Variants in RPS6KB2 observed in about 807,000 individuals in gnomAD.
The protein encoded by RPS6KB2 is ribosomal protein S6 kinase B2, also known as ribosomal protein S6 kinase beta-2.
In RPS6KB2, 51 loss-of-function variants were observed where a neutral mutation model predicts 58.2. That is an observed-to-expected ratio of 0.88 (90% CI 0.70 to 1.11). The LOEUF is 1.11. Ranked by LOEUF, RPS6KB2 falls within the 50% of genes least tolerant of loss-of-function variation. The pLI is 0.00. For missense variants in RPS6KB2, 671 were observed against 655.8 expected, an observed-to-expected ratio of 1.02 and a Z score of -0.25; for synonymous variants, 293 against 258.6, an observed-to-expected ratio of 1.13 and a Z score of -1.28.
intron 5 of RPS6KB2, chr11:67,432,293 T>C (rs1323132435): frequency 3.3e-6 from 2 of 615,292 alleles, no homozygotes; most frequent in Non-Finnish European, 6.1e-6. Flanking sequence ...GGCTAAGCTC[T>C]TGGAGCTGTG....
At position 67,434,195 on chromosome 11, in the gene RPS6KB2, C is replaced by T; in HGVS notation, c.970-3C>T. ...GTGGGTTTGGTGCATTCTCTACCTA[C>T]AGAGACATCCCTTTTTCCGGCACAT... On this transcript the variant is annotated splice_polypyrimidine_tract_variant and splice_region_variant and intron_variant, in intron 11 of 14. Coordinates refer to ENST00000312629, the MANE Select transcript of RPS6KB2 (RefSeq NM_003952.3). 6.2e-7 allele frequency: 1 copy of T among 1,614,086 alleles called. No homozygotes were observed. Among genetic ancestry groups the T allele is most frequent in the South Asian group, 1.1e-5 (1 of 91,090 alleles).
At chr11:67,428,936 G>C in intron 1 of RPS6KB2, 46 bp from the exon 2 acceptor site, 1 of 1,612,430 alleles carries the variant, frequency 6.2e-7, no homozygotes, top group Non-Finnish European at 8.5e-7. Context: ...GGAGCGGGGA[G>C]GTATCCTGGC....
intron 10 of RPS6KB2, among the ~76,000 whole-genome samples, chr11:67,433,730 G>T (rs1864132994): frequency 6.6e-6 from 1 of 152,220 alleles, no homozygotes; most frequent in Non-Finnish European, 1.5e-5. Context: ...GGTGTTAGGG[G>T]GAGGCCGGAC....
intron 1 of RPS6KB2, 177 bp downstream of exon 1, chr11:67,428,800 G>C (rs541890160): frequency 1.1e-6 from 1 of 926,930 alleles, no homozygotes; most frequent in East Asian, 2.6e-5. Flanking sequence ...CTCTCTTCCA[G>C]AACCCCAGCC....
At chr11:67,431,272 C>T (rs147539443) in intron 4 of RPS6KB2, 96 bp from the exon 5 acceptor site, 21 of 1,224,418 alleles carry the variant, frequency 1.7e-5, no homozygotes, top group African/African-American at 1.5e-4. Context: ...TCAGGTAATC[C>T]GCCTGCCTTG....
Position 67,431,402 on chromosome 11 carries a change from A to G in RPS6KB2, c.344A>G (p.His115Arg), listed in dbSNP as rs776907309. The G allele has an allele frequency of 1.7e-5, 27 of 1,614,022 alleles. No individual in the cohort carries two copies. Among genetic ancestry groups the G allele is most frequent in the African/African-American group, 8.0e-5 (6 of 74,920 alleles). Residue 115 changes from histidine (H) to arginine (R), a missense_variant, in exon 5 of 15, where the codon CAC becomes CGC. By Grantham distance (29) the His-to-Arg change is conservative. Coordinates refer to ENST00000312629, the MANE Select transcript of RPS6KB2 (RefSeq NM_003952.3). ...KIVRNAKDTA[H>R]TRAERNILES... ...GTGCGCAATGCCAAGGACACAGCAC[A>G]CACACGGGCTGAGCGGAACATTCTA...
intron 10 of RPS6KB2, 60 bp from the exon 11 acceptor site, chr11:67,433,935 G>T: frequency 6.3e-7 from 1 of 1,594,090 alleles, no homozygotes; most frequent in South Asian, 1.1e-5. Context: ...CTAGCCCTGG[G>T]ACCCGGGGAC....
At position 67,433,342 on chromosome 11, in the gene RPS6KB2, G is replaced by A. The variant is rs1229374921; in HGVS notation, c.801G>A (p.Pro267=). Residue 267 remains proline (P), a splice_region_variant and synonymous_variant, in exon 10 of 15, where the codon CCG becomes CCA. Coordinates refer to ENST00000312629, the MANE Select transcript of RPS6KB2 (RefSeq NM_003952.3). ...ALMYDMLTGS[P]PFTAENRKKT... ...CTCTCACCTTCCTCCTCCTCCAGCCGCCCTTCACCGCAGAGAACCGGAAGA... is the reference window on the plus strand; with the variant it reads ...CTCTCACCTTCCTCCTCCTCCAGCCACCCTTCACCGCAGAGAACCGGAAGA... The A allele has an allele frequency of 8.7e-6, 14 of 1,613,456 alleles. No homozygotes were observed. The highest frequency in any genetic ancestry group is 1.2e-5 in the Non-Finnish European group (14 of 1,179,624).
At chr11:67,428,961 T>C (rs762671473) in intron 1 of RPS6KB2, 21 bp from the exon 2 acceptor site, 8 of 1,614,096 alleles carry the variant, frequency 5.0e-6, no homozygotes, top group Non-Finnish European at 5.9e-6. Flanking sequence ...TCCTTGGCTC[T>C]TACCCCTCGG....
intron 5 of RPS6KB2, chr11:67,432,272 G>A (rs1035975568): frequency 4.7e-5 from 27 of 580,598 alleles, no homozygotes; most frequent in African/African-American, 2.6e-4. Flanking sequence ...TCTTCTCTGC[G>A]AGATCTTTTG....
intron 14 of RPS6KB2, 85 bp downstream of exon 14, chr11:67,434,779 G>A (rs1005127064): frequency 1.0e-5 from 12 of 1,167,262 alleles, no homozygotes; most frequent in African/African-American, 4.6e-5. Flanking sequence ...CCTTGGCCAC[G>A]TCTGTCGGCC....
chr11:67,431,953 C>G, intron 5 of RPS6KB2: 1 of 269,686 alleles, frequency 3.7e-6, no homozygotes, highest in Non-Finnish European at 7.3e-6. Context: ...GGGCTGAGGC[C>G]TCCCGCTCAC....
intron 12 of RPS6KB2, 22 bp from the exon 13 acceptor site, chr11:67,434,354 TC>T: frequency 6.2e-7 from 1 of 1,611,274 alleles, no homozygotes. Flanking sequence ...CTCTGACCCC[TC>T]CCCACTCTGG....
rs1448540358 is a variant in RPS6KB2, at chr11:67,432,942, C to T, written c.617-10C>T. The T allele has an allele frequency of 1.9e-6, 3 of 1,613,150 alleles. No homozygotes were observed. Among genetic ancestry groups the T allele is most frequent in the South Asian group, 2.2e-5 (2 of 91,090 alleles). On this transcript the variant is annotated splice_polypyrimidine_tract_variant and intron_variant, in intron 7 of 14. Coordinates refer to ENST00000312629, the MANE Select transcript of RPS6KB2 (RefSeq NM_003952.3). ...GGCCCTGGTCACGCCTCTCCAACAC[C>T]CTTCCTCAGGCCACATCAAACTGAC... is the stretch of plus-strand genomic sequence containing the variant.
chr11:67,430,813 A>G (rs1863996122), intron 4 of RPS6KB2: 1 of 152,512 alleles, frequency 6.6e-6, no homozygotes, highest in Non-Finnish European at 1.5e-5. Flanking sequence ...GCTGCTGAAC[A>G]TCCCACGATG....
In RPS6KB2 at chr11:67,435,216, C is replaced by T; in HGVS notation, c.*47C>T. ...TAGCCCTTGAGCCCTGTCCCTGCGG[C>T]TGTGAGAGCAGCAGGACCCTGGGCC... On this transcript the variant is annotated 3_prime_UTR_variant, in exon 15 of 15. Coordinates refer to ENST00000312629, the MANE Select transcript of RPS6KB2 (RefSeq NM_003952.3). The T allele has an allele frequency of 6.8e-7, 1 of 1,463,218 alleles. No individual in the cohort carries two copies. Among genetic ancestry groups the T allele is most frequent in the Non-Finnish European group, 9.1e-7 (1 of 1,101,330 alleles). 90.6% of individuals were successfully genotyped at this position (1,463,218 alleles called of 1,614,324 possible). A position where few individuals can be genotyped will look rare whatever the true frequency, so the allele number is the denominator to read the frequency against.
In RPS6KB2 at chr11:67,435,225, C is replaced by G. The variant is rs1683391938; in HGVS notation, c.*56C>G. ...AGCCCTGTCCCTGCGGCTGTGAGAG[C>G]AGCAGGACCCTGGGCCAGTTCCAGA... On this transcript the variant is annotated 3_prime_UTR_variant, in exon 15 of 15. Coordinates refer to ENST00000312629, the MANE Select transcript of RPS6KB2 (RefSeq NM_003952.3). 1.4e-6 allele frequency: 2 copies of G among 1,427,606 alleles called. No individual in the cohort carries two copies. The highest frequency in any genetic ancestry group is 1.4e-5 in the South Asian group (1 of 73,780). 88.4% of individuals were successfully genotyped at this position (1,427,606 alleles called of 1,614,324 possible).
Position 67,435,082 on chromosome 11 carries a change from G to C in RPS6KB2, c.1362G>C (p.Pro454=). 6.2e-7 allele frequency: 1 copy of C among 1,610,558 alleles called. No homozygotes were observed. The highest frequency in any genetic ancestry group is 1.1e-5 in the South Asian group (1 of 91,040). Residue 454 remains proline, a synonymous_variant, in exon 15 of 15, where the codon CCG becomes CCC. Transcript: ENST00000312629. ...CTCTACCTCCACTCCTGCCACCGCC[G>C]CCGCCCTCGACCACCGCCCCTCTCC... The part of the protein sequence containing the change: ...ELPLPPLLPP[P]PPSTTAPLPI...
intron 5 of RPS6KB2, chr11:67,432,348 C>T: frequency 5.9e-6 from 4 of 676,946 alleles, no homozygotes; most frequent in Non-Finnish European, 1.1e-5. Flanking sequence ...TGTCTGTCTC[C>T]CCAGTAGACT....
Sources: allele counts gnomAD v4.1 joint callset (sites outside exome capture counted in the v4.1 genomes callset), GRCh38; gene constraint gnomAD v4.1.1; transcripts MANE v1.5; gene names NCBI Gene and HGNC (gene_info 2026-07-23, HGNC 2026-07-21).